Variants in SP4 observed in about 807,000 individuals in gnomAD.
SP4 encodes Sp4 transcription factor, also known as transcription factor Sp4.
Under a neutral mutation model 72.8 loss-of-function variants are expected in SP4, and 19 were observed. The ratio of observed to expected loss-of-function variants is 0.26; its 90% CI spans 0.18 to 0.38. The LOEUF is 0.38. Among genes scored for constraint, SP4 ranks in the 10% least tolerant of loss-of-function variants. The pLI is 1.00. For missense variants in SP4, 1,008 were observed against 926.3 expected (o/e 1.09, Z -1.14); for synonymous variants, 395 against 333.1 (o/e 1.19, Z -2.02).
chr7:21,447,846 G>A (rs1433232303), intron 3 of SP4, among the ~76,000 whole-genome samples: 1 of 152,110 alleles, frequency 6.6e-6, no homozygotes, highest in African/African-American at 2.4e-5. Flanking sequence ...ACCACACCCG[G>A]CTAATTTTTG....
chr7:21,429,546 T>A lies in SP4; in HGVS notation c.381T>A (p.Ser127=). Residue 127 remains serine (S), a synonymous_variant, in exon 3 of 6, where the codon TCT becomes TCA. Transcript: ENST00000222584. ...AACCAGCCTCTAGTTCGTCTAGTTCTTCCAGCAGTAATAACGGGAGTGCAT... is the reference window on the plus strand; with the variant it reads ...AACCAGCCTCTAGTTCGTCTAGTTCATCCAGCAGTAATAACGGGAGTGCAT... ...VSQPASSSSS[S]SSSNNGSASP... is the part of the protein sequence containing the mutation. The A allele has an allele frequency of 6.2e-7, 1 of 1,614,200 alleles. No individual in the cohort carries two copies. The highest frequency in any genetic ancestry group is 1.3e-5 in the African/African-American group (1 of 75,058).
At position 21,432,819 on chromosome 7, in the gene SP4, C is replaced by A. The variant is rs573924443; in HGVS notation, c.1678+1976C>A. On this transcript the variant is annotated intron_variant, in intron 3 of 5. Transcript: ENST00000222584. ...GACCAGCCTGGGCAACATAGGGAGA[C>A]CCCGTCTCTACAAAAAATTTAAAAA... Among the ~76,000 whole-genome samples, 21 of 152,040 alleles carry A rather than the reference C, an allele frequency of 1.4e-4. No homozygotes were observed. In the South Asian group the frequency reaches 4.2e-3, roughly 30 times the overall value.
At chr7:21,447,027 G>A (rs1783447812) in intron 3 of SP4, among the ~76,000 whole-genome samples, 2 of 152,176 alleles carry the variant, frequency 1.3e-5, no homozygotes, top group Admixed American at 1.3e-4. Context: ...CCAGCCTTCA[G>A]CAACAGCAAA....
chr7:21,467,698 C>T (rs1014175776), intron 3 of SP4, among the ~76,000 whole-genome samples: 24 of 152,222 alleles, frequency 1.6e-4, no homozygotes, highest in Non-Finnish European at 2.5e-4. Flanking sequence ...TAGACATTTT[C>T]TTAGGCAGAT....
intron 3 of SP4, among the ~76,000 whole-genome samples, chr7:21,458,164 T>G (rs1321147645): frequency 3.3e-5 from 5 of 152,076 alleles, no homozygotes; most frequent in Non-Finnish European, 5.9e-5. Context: ...TTCCATCAAG[T>G]GCAGTTTTCC....
intron 3 of SP4, among the ~76,000 whole-genome samples, chr7:21,451,389 G>C (rs1783596174): frequency 6.6e-6 from 1 of 152,102 alleles, no homozygotes; most frequent in Non-Finnish European, 1.5e-5. Flanking sequence ...TTGGTTGCGG[G>C]GTTAGGGGGT....
chr7:21,428,248 C>A lies in SP4; in HGVS notation c.-4C>A. On this transcript the variant is annotated 5_prime_UTR_variant, in exon 1 of 6. Coordinates refer to ENST00000222584, the MANE Select transcript of SP4 (RefSeq NM_003112.5). ...CGTCTGAGGGTTTGTCCTGTTAATG[C>A]GGGATGAGCGGTACGTATTCTCCAC... 7.6e-7 allele frequency: 1 copy of A among 1,310,004 alleles called. No homozygotes were observed. Among genetic ancestry groups the A allele is most frequent in the Non-Finnish European group, 1.0e-6 (1 of 990,432 alleles). The allele number at this position is 1,310,004 out of a possible 1,614,324, so 81.1% of individuals were successfully genotyped here.
intron 4 of SP4, among the ~76,000 whole-genome samples, chr7:21,480,734 C>G (rs1784661514): frequency 6.6e-6 from 1 of 152,200 alleles, no homozygotes; most frequent in Admixed American, 6.5e-5. Context: ...TCACTTCTTT[C>G]TGGCAAACTA....
chr7:21,461,749 C>G (rs767464434), intron 3 of SP4, among the ~76,000 whole-genome samples: 12 of 152,160 alleles, frequency 7.9e-5, no homozygotes, highest in African/African-American at 2.9e-4. Flanking sequence ...GCGCCGAGGC[C>G]GAGGAGGCAC....
intron 3 of SP4, among the ~76,000 whole-genome samples, chr7:21,433,952 A>G (rs572724357): frequency 2.0e-5 from 3 of 152,256 alleles, no homozygotes; most frequent in East Asian, 3.9e-4. Context: ...TCAAAAAAAA[A>G]AGAAAGAAAA....
chr7:21,469,718 A>G (rs2128406133), intron 3 of SP4, among the ~76,000 whole-genome samples: 1 of 151,710 alleles, frequency 6.6e-6, no homozygotes, highest in South Asian at 2.1e-4. Flanking sequence ...ATTTTTTTGT[A>G]TTTTTAGTAG....
chr7:21,470,039 C>G (rs911450789), intron 3 of SP4, among the ~76,000 whole-genome samples: 11 of 152,096 alleles, frequency 7.2e-5, no homozygotes, highest in Non-Finnish European at 1.6e-4. Flanking sequence ...ATCAGTGAGT[C>G]AGGGAGGAAG....
At chr7:21,465,465 T>C (rs1784137462) in intron 3 of SP4, among the ~76,000 whole-genome samples, 2 of 152,216 alleles carry the variant, frequency 1.3e-5, no homozygotes, top group Non-Finnish European at 2.9e-5. Flanking sequence ...TTGGGAAATA[T>C]GCATAACCTC....
At chr7:21,481,026 A>G (rs759635825) in intron 4 of SP4, among the ~76,000 whole-genome samples, 44 of 152,184 alleles carry the variant, frequency 2.9e-4, no homozygotes, top group Non-Finnish European at 4.0e-4. Context: ...TGGGGCAGCA[A>G]TAGCCTCAGG....
intron 5 of SP4, among the ~76,000 whole-genome samples, chr7:21,495,466 G>A (rs1781678023): frequency 6.6e-6 from 1 of 151,802 alleles, no homozygotes; most frequent in Non-Finnish European, 1.5e-5. Context: ...ACATATGTAT[G>A]TGACGGAAAA....
At chr7:21,461,300 G>GA (rs1783971418) in intron 3 of SP4, among the ~76,000 whole-genome samples, 2 of 152,204 alleles carry the variant, frequency 1.3e-5, no homozygotes, top group Admixed American at 1.3e-4. Context: ...GGGGTTGGGG[G>GA]AGACTCAGGC....
intron 3 of SP4, among the ~76,000 whole-genome samples, chr7:21,445,745 A>C (rs1466139078): frequency 6.6e-6 from 1 of 152,112 alleles, no homozygotes; most frequent in East Asian, 1.9e-4. Context: ...GTGGCTTCAA[A>C]ATTTTTTCTG....
At chr7:21,436,669 A>G (rs189624832) in intron 3 of SP4, among the ~76,000 whole-genome samples, 93 of 152,282 alleles carry the variant, frequency 6.1e-4, no homozygotes, top group African/African-American at 2.0e-3. Context: ...TGCGGATTTG[A>G]GTTAAGATTG....
intron 4 of SP4, 61 bp downstream of exon 4, chr7:21,477,368 A>T (rs1784532960): frequency 9.7e-7 from 1 of 1,036,182 alleles, no homozygotes; most frequent in African/African-American, 1.6e-5. Flanking sequence ...GTTAAAACCA[A>T]GTAATTGGCT....
Sources: gnomAD v4.1 joint callset for allele counts (sites outside exome capture counted in the v4.1 genomes callset) on GRCh38, gnomAD v4.1.1 for gene constraint, MANE v1.5 for transcripts, NCBI Gene and HGNC (gene_info 2026-07-23, HGNC 2026-07-21) for gene names.